INSC: variants seen among roughly 807,000 people sequenced by gnomAD.
INSC encodes protein inscuteable homolog.
In INSC, 67 loss-of-function variants were observed where a neutral mutation model predicts 58.6. The observed-to-expected ratio is 1.14, with a 90% confidence interval of 0.94 to 1.40. The LOEUF is 1.40. Ranked by LOEUF, INSC falls within the 40% of genes most tolerant of loss-of-function variation. The pLI, the probability that INSC is intolerant of heterozygous loss-of-function variation, is 0.00. For missense variants in INSC, 714 were observed against 692.0 expected, an observed-to-expected ratio of 1.03 and a Z score of -0.36; for synonymous variants, 262 against 276.1, an observed-to-expected ratio of 0.95 and a Z score of 0.51.
At chr11:15,186,378 A>C (rs899507334) in intron 5 of INSC, among the ~76,000 whole-genome samples, 2 of 151,994 alleles carry the variant, frequency 1.3e-5, no homozygotes, top group Admixed American at 6.6e-5. Context: ...TCTCTTTCCT[A>C]ACTTATAGAG....
At chr11:15,256,552 A>C in the INSC span, among the ~76,000 whole-genome samples, 1 of 150,550 alleles carries the variant, frequency 6.6e-6, no homozygotes, top group Non-Finnish European at 1.5e-5. Flanking sequence ...TACAGTGGCA[A>C]GATCTTGGCT....
intron 10 of INSC, among the ~76,000 whole-genome samples, chr11:15,237,992 T>G (rs1241620679): frequency 6.6e-6 from 1 of 152,060 alleles, no homozygotes; most frequent in Non-Finnish European, 1.5e-5. Flanking sequence ...TGGCTTAAGT[T>G]CTAAGCTGGC....
upstream of INSC, among the ~76,000 whole-genome samples, chr11:15,113,119 C>CTTTCTTTCTT (rs1554899333): frequency 4.1e-5 from 3 of 73,254 alleles, no homozygotes; most frequent in Non-Finnish European, 9.3e-5. Flanking sequence ...TTCTCTCTCT[C>CTTTCTTTCTT]TCTTTCTTTC....
intron 1 of INSC, among the ~76,000 whole-genome samples, chr11:15,127,404 G>T (rs532246001): frequency 6.6e-6 from 1 of 152,318 alleles, no homozygotes; most frequent in South Asian, 2.1e-4. Context: ...GGATCCTAGT[G>T]GGGAGGGCTG....
At chr11:15,264,846 G>A in the INSC span, among the ~76,000 whole-genome samples, 1 of 152,050 alleles carries the variant, frequency 6.6e-6, no homozygotes, top group African/African-American at 2.4e-5. Flanking sequence ...CCAGGCATGA[G>A]GGTGTGGACA....
intron 7 of INSC, among the ~76,000 whole-genome samples, chr11:15,220,425 CTT>C (rs776659410): frequency 3.3e-4 from 50 of 152,300 alleles, no homozygotes; most frequent in Non-Finnish European, 6.8e-4. Flanking sequence ...CTCCTGCCCT[CTT>C]TTTCTCCAGC....
chr11:15,218,184 A>G (rs1851294729), intron 7 of INSC, among the ~76,000 whole-genome samples: 1 of 152,230 alleles, frequency 6.6e-6, no homozygotes, highest in South Asian at 2.1e-4. Context: ...TTATATAATG[A>G]AATACCATAC....
chr11:15,203,123 G>A (rs540536843), intron 7 of INSC, among the ~76,000 whole-genome samples: 1 of 152,306 alleles, frequency 6.6e-6, no homozygotes, highest in Non-Finnish European at 1.5e-5. Context: ...TAAGTGACTT[G>A]CCTAAATAAC....
At chr11:15,198,573 A>T (rs1850456432) in intron 6 of INSC, among the ~76,000 whole-genome samples, 1 of 151,648 alleles carries the variant, frequency 6.6e-6, no homozygotes, top group Non-Finnish European at 1.5e-5. Flanking sequence ...TCAATCAGTC[A>T]TCTCTCTCTC....
chr11:15,187,180 T>A (rs1027397031), intron 5 of INSC, among the ~76,000 whole-genome samples: 5 of 152,194 alleles, frequency 3.3e-5, no homozygotes, highest in Non-Finnish European at 7.4e-5. Context: ...CCCAAAACAG[T>A]GTTCCAAGTT....
chr11:15,218,231 A>G (rs1470634102), intron 7 of INSC, among the ~76,000 whole-genome samples: 2 of 152,252 alleles, frequency 1.3e-5, no homozygotes, highest in Non-Finnish European at 2.9e-5. Context: ...CACATGCAAC[A>G]ACAAGAAGAG....
At chr11:15,114,633 G>A (rs868103651), upstream of INSC, among the ~76,000 whole-genome samples, 13 of 152,168 alleles carry the variant, frequency 8.5e-5, no homozygotes, top group Non-Finnish European at 1.5e-4. Flanking sequence ...CGCCTGGCCC[G>A]GGGGAGCCCG....
At chr11:15,256,298 A>G in the INSC span, among the ~76,000 whole-genome samples, 1 of 152,176 alleles carries the variant, frequency 6.6e-6, no homozygotes, top group Non-Finnish European at 1.5e-5. Flanking sequence ...TGAAAAATTT[A>G]TTCTTTAAAC....
intron 9 of INSC, among the ~76,000 whole-genome samples, chr11:15,232,939 A>G (rs1851979782): frequency 6.6e-6 from 1 of 152,160 alleles, no homozygotes; most frequent in Non-Finnish European, 1.5e-5. Context: ...GCTATGTAAG[A>G]CTCATTTAGA....
intron 1 of INSC, among the ~76,000 whole-genome samples, chr11:15,132,894 G>GC (rs1276551206): frequency 1.8e-4 from 27 of 152,230 alleles, no homozygotes; most frequent in African/African-American, 6.0e-4. Context: ...TGTCAATCTA[G>GC]TTTCCTTTTT....
intron 1 of INSC, among the ~76,000 whole-genome samples, chr11:15,146,894 C>G (rs1341496808): frequency 6.6e-6 from 1 of 152,142 alleles, no homozygotes; most frequent in Non-Finnish European, 1.5e-5. Context: ...GAATCAGAGT[C>G]AGAGTTTCCT....
chr11:15,186,363 G>A (rs1343986546), intron 5 of INSC, among the ~76,000 whole-genome samples: 1 of 151,766 alleles, frequency 6.6e-6, no homozygotes, highest in East Asian at 1.9e-4. Flanking sequence ...TTCTTCTCAT[G>A]TGGGTCTCTT....
chr11:15,202,300 T>G, intron 7 of INSC, among the ~76,000 whole-genome samples: 1 of 152,160 alleles, frequency 6.6e-6, no homozygotes, highest in Non-Finnish European at 1.5e-5. Flanking sequence ...AGCGAGGCTC[T>G]GAGGAGAGAA....
chr11:15,258,537 A>G, the INSC span, among the ~76,000 whole-genome samples: 1 of 152,206 alleles, frequency 6.6e-6, no homozygotes, highest in African/African-American at 2.4e-5. Context: ...CTGTCTCTGA[A>G]GCTAAAGCTC....
Sources: allele counts gnomAD v4.1 joint callset (sites outside exome capture counted in the v4.1 genomes callset), GRCh38; gene constraint gnomAD v4.1.1; transcripts MANE v1.5; gene names NCBI Gene and HGNC (gene_info 2026-07-23, HGNC 2026-07-21).